Variants in C16orf78 observed in about 807,000 individuals in gnomAD.
C16orf78 encodes the protein chromosome 16 open reading frame 78, also known as uncharacterized protein C16orf78.
C16orf78 carries 19 observed loss-of-function variants against 27.3 expected under a neutral mutation model. That is an observed-to-expected ratio of 0.70 (90% CI 0.49 to 1.02). The LOEUF is 1.02. C16orf78 is among the 50% of genes least tolerant of loss of function. The pLI is 0.00. For missense variants in C16orf78, 339 were observed against 337.0 expected (o/e 1.01, Z -0.05); for synonymous variants, 130 against 116.1 (o/e 1.12, Z -0.77).
intron 3 of C16orf78, among the ~76,000 whole-genome samples, chr16:49,389,064 C>A (rs1426411651): frequency 1.3e-5 from 2 of 152,162 alleles, no homozygotes; most frequent in Non-Finnish European, 2.9e-5. Context: ...TCTTTTCCTG[C>A]CCTCTTTTAG....
At chr16:49,381,162 G>C (rs368077044) in intron 3 of C16orf78, among the ~76,000 whole-genome samples, 3 of 152,148 alleles carry the variant, frequency 2.0e-5, no homozygotes, top group Non-Finnish European at 4.4e-5. Context: ...TTTTCCAATT[G>C]TGTGAAGAAA....
chr16:49,381,543 A>C (rs1965287598), intron 3 of C16orf78, among the ~76,000 whole-genome samples: 1 of 152,122 alleles, frequency 6.6e-6, no homozygotes, highest in African/African-American at 2.4e-5. Context: ...TCCAGAATCT[A>C]CAATGAACTC....
intron 3 of C16orf78, among the ~76,000 whole-genome samples, chr16:49,380,209 T>C (rs1965270029): frequency 6.6e-6 from 1 of 152,210 alleles, no homozygotes; most frequent in Non-Finnish European, 1.5e-5. Flanking sequence ...ACTGGCTTCC[T>C]TGCTCCTCAG....
At chr16:49,378,437 C>G (rs765415827) in intron 2 of C16orf78, 33 bp from the exon 3 acceptor site, 2 of 1,548,478 alleles carry the variant, frequency 1.3e-6, no homozygotes, top group Non-Finnish European at 1.7e-6. Flanking sequence ...GGTCCTGTAA[C>G]TGGGGTGTGA....
intron 3 of C16orf78, among the ~76,000 whole-genome samples, chr16:49,387,305 C>T (rs187502): frequency 0.39 from 59,770 of 151,604 alleles, 13,849 homozygotes; most frequent in African/African-American, 0.65. Context: ...TTGTTGTTGT[C>T]GTTTCTTTCT....
chr16:49,387,192 G>A (rs921888792), intron 3 of C16orf78, among the ~76,000 whole-genome samples: 8 of 151,990 alleles, frequency 5.3e-5, no homozygotes, highest in African/African-American at 1.9e-4. Context: ...TTTCTCTAAT[G>A]ATCAGGGCTA....
chr16:49,396,924 C>T (rs151140698), intron 4 of C16orf78, among the ~76,000 whole-genome samples: 8 of 152,312 alleles, frequency 5.3e-5, no homozygotes, highest in African/African-American at 1.9e-4. Context: ...CACTTTGATG[C>T]CACACCTTTC....
rs982474638 is a variant in C16orf78 at position 49,397,092 on chromosome 16, T to C, written c.650+414T>C. Among the ~76,000 whole-genome samples, 4 of 152,202 alleles carry C rather than the reference T, an allele frequency of 2.6e-5. No homozygotes were observed. In the East Asian group the frequency reaches 7.7e-4, roughly 29 times the overall value. On this transcript the variant is annotated intron_variant, in intron 4 of 4. Transcript: ENST00000299191. ...TCCTCAGTGACCTACCTGCTGCATGTTTGGACTTTTAGACTGTCAAAGGGA... is the reference window on the plus strand; with the variant it reads ...TCCTCAGTGACCTACCTGCTGCATGCTTGGACTTTTAGACTGTCAAAGGGA...
In C16orf78 at chr16:49,399,221, C is replaced by T. The variant is rs547969905; in HGVS notation, c.741C>T (p.Val247=). The T allele has an allele frequency of 1.4e-4, 228 of 1,614,120 alleles. 2 individuals carry two copies. The highest frequency in any genetic ancestry group is 1.2e-3 in the South Asian group (106 of 91,064). ...ATGTGGATATCCACCCCCACATGGT[C>T]GAAGAGGACATAGATGCTAAAAAGG... ...GMNVDIHPHM[V]EEDIDAKKVF... The change falls in exon 5 of 5, where the codon GTC becomes GTT. Residue 247 remains valine, a synonymous_variant. Transcript: ENST00000299191.
At chr16:49,395,395 C>T (rs371068688) in intron 3 of C16orf78, among the ~76,000 whole-genome samples, 1 of 152,042 alleles carries the variant, frequency 6.6e-6, no homozygotes, top group African/African-American at 2.4e-5. Context: ...GGACCCAGGA[C>T]GGATTTGAAT....
At chr16:49,378,447 A>T in intron 2 of C16orf78, 23 bp from the exon 3 acceptor site, 1 of 1,554,192 alleles carries the variant, frequency 6.4e-7, no homozygotes, top group Non-Finnish European at 8.7e-7. Flanking sequence ...CTGGGGTGTG[A>T]CTTCTCACCT....
Position 49,396,519 on chromosome 16 carries a change from G to C in C16orf78, c.491G>C (p.Gly164Ala), listed in dbSNP as rs1567395441. Reference sequence around the variant, plus strand: ...GTCTTAGATCCCATGTTACAGGAGGGTACCTTTAACAGCCAGAGGGCAACC... The same window carrying C: ...GTCTTAGATCCCATGTTACAGGAGGCTACCTTTAACAGCCAGAGGGCAACC... ...SIVLDPMLQEGTFNSQRATFI... is the reference protein window; with the variant it reads ...SIVLDPMLQEATFNSQRATFI... Residue 164 changes from glycine to alanine, a missense_variant, in exon 4 of 5, where the codon GGT (glycine) becomes GCT (alanine). Gly to Ala is a moderately conservative substitution (Grantham distance 60, BLOSUM62 0). Coordinates refer to ENST00000299191, the MANE Select transcript of C16orf78 (RefSeq NM_144602.4). The C allele has an allele frequency of 6.2e-7, 1 of 1,614,098 alleles. No individual in the cohort carries two copies.
chr16:49,384,346 C>CAAAAAAAA (rs771147270), intron 3 of C16orf78, among the ~76,000 whole-genome samples: 1 of 50,966 alleles, frequency 2.0e-5, no homozygotes, highest in Non-Finnish European at 4.0e-5. Flanking sequence ...AAAACTCCAT[C>CAAAAAAAA]AAAAAAAAAA....
intron 4 of C16orf78, among the ~76,000 whole-genome samples, chr16:49,398,031 G>C (rs1965495401): frequency 6.6e-6 from 1 of 152,206 alleles, no homozygotes; most frequent in Admixed American, 6.5e-5. Context: ...CTCCCAAAGT[G>C]CTGGATTACA....
chr16:49,397,857 C>T (rs1489631254), intron 4 of C16orf78, among the ~76,000 whole-genome samples: 2 of 152,150 alleles, frequency 1.3e-5, no homozygotes, highest in Non-Finnish European at 2.9e-5. Context: ...CCTCCACCTC[C>T]CAGGTTCAAG....
chr16:49,397,812 C>T (rs542523087), intron 4 of C16orf78, among the ~76,000 whole-genome samples: 1 of 152,184 alleles, frequency 6.6e-6, no homozygotes, highest in Non-Finnish European at 1.5e-5. Flanking sequence ...GTCGCCCAGG[C>T]TGGAGTGCAG....
rs1287020038 is a variant in C16orf78 at position 49,391,911 on chromosome 16, CAG to C, written c.395-4511_395-4510del. ...AGCGCCAATTTCCTCCACGCACAAA[CAG>C]GGACTGCTGAGGCCACCTGACCTTA... On this transcript the variant is annotated intron_variant, in intron 3 of 4. Transcript: ENST00000299191. 2.6e-5 allele frequency among the ~76,000 whole-genome samples: 4 copies of C among 152,162 alleles called. No homozygotes were observed. The East Asian group carries it at 7.7e-4, about 29-fold the overall frequency.
Position 49,373,833 on chromosome 16 carries a change from C to T in C16orf78, c.-107C>T. On this transcript the variant is annotated 5_prime_UTR_variant, in exon 1 of 5. Transcript: ENST00000299191. ...TGCCCTTTATGTTCACATCTGGAGG[C>T]CACACCCTACCTTCTAAGTCACCAG... The T allele has an allele frequency of 5.7e-6, 8 of 1,392,224 alleles. No homozygotes were observed. The highest frequency in any genetic ancestry group is 6.9e-6 in the Non-Finnish European group (7 of 1,008,598). 86.2% of individuals were successfully genotyped at this position (1,392,224 alleles called of 1,614,324 possible). A position where few individuals can be genotyped will look rare whatever the true frequency, so the allele number is the denominator to read the frequency against.
intron 4 of C16orf78, among the ~76,000 whole-genome samples, chr16:49,397,294 G>A (rs1171931986): frequency 6.6e-6 from 1 of 152,172 alleles, no homozygotes; most frequent in Admixed American, 6.5e-5. Flanking sequence ...TTACTGTAAA[G>A]TTGTAACTGA....
Sources: allele counts gnomAD v4.1 joint callset (sites outside exome capture counted in the v4.1 genomes callset), GRCh38; gene constraint gnomAD v4.1.1; transcripts MANE v1.5; gene names NCBI Gene and HGNC (gene_info 2026-07-23, HGNC 2026-07-21).